The following PCSK6 variants were observed in gnomAD, a reference collection of about 807,000 sequenced individuals.
PCSK6 encodes the protein paired basic amino acid cleaving enzyme 4.
Under a neutral mutation model 123.3 loss-of-function variants are expected in PCSK6, and 85 were observed. The observed-to-expected ratio is 0.69, with a 90% CI of 0.58 to 0.83. The LOEUF is 0.83. PCSK6 is among the 40% of genes least tolerant of loss of function. The pLI is 0.00. For missense variants in PCSK6, 1,191 were observed against 1,282.3 expected (o/e 0.93, Z 1.09); for synonymous variants, 508 against 516.0 (o/e 0.98, Z 0.21).
intron 6 of PCSK6, among the ~76,000 whole-genome samples, chr15:101,405,633 C>T (rs193142221): frequency 7.2e-5 from 11 of 152,100 alleles, no homozygotes; most frequent in African/African-American, 2.7e-4. Context: ...ATTTTAAATG[C>T]CCTGGGAGAA....
chr15:101,329,513 C>T (rs1347325590), intron 15 of PCSK6, among the ~76,000 whole-genome samples: 1 of 152,240 alleles, frequency 6.6e-6, no homozygotes, highest in Non-Finnish European at 1.5e-5. Context: ...GTGCCCTGAG[C>T]AAGCGACCTG....
At chr15:101,488,478 G>C (rs12437484) in intron 1 of PCSK6, among the ~76,000 whole-genome samples, 44,254 of 152,084 alleles carry the variant, frequency 0.29, 6,879 homozygotes, top group East Asian at 0.56. Context: ...GACAGAAGAG[G>C]GGACAGCCGA....
intron 10 of PCSK6, 194 bp downstream of exon 10, chr15:101,384,124 TGAGG>T: frequency 7.2e-7 from 1 of 1,379,730 alleles, no homozygotes; most frequent in Non-Finnish European, 9.4e-7. Flanking sequence ...TCTTGTGACC[TGAGG>T]GTTCTTCCGT....
At chr15:101,349,320 AG>A (rs1258776123) in intron 13 of PCSK6, among the ~76,000 whole-genome samples, 2 of 152,240 alleles carry the variant, frequency 1.3e-5, no homozygotes, top group Non-Finnish European at 2.9e-5. Flanking sequence ...AGAAGAAGAA[AG>A]GAAGAATAGA....
chr15:101,441,792 G>T (rs1465829474), intron 2 of PCSK6, among the ~76,000 whole-genome samples: 1 of 152,216 alleles, frequency 6.6e-6, no homozygotes, highest in Non-Finnish European at 1.5e-5. Flanking sequence ...CCGCGTGGTG[G>T]CAATTCAACA....
intron 1 of PCSK6, among the ~76,000 whole-genome samples, chr15:101,466,369 A>C (rs1381038854): frequency 6.6e-6 from 1 of 152,218 alleles, no homozygotes; most frequent in Non-Finnish European, 1.5e-5. Flanking sequence ...AGTGCTGATG[A>C]GGATGTGGTG....
chr15:101,485,283 T>C (rs918660887), intron 1 of PCSK6, among the ~76,000 whole-genome samples: 2 of 152,240 alleles, frequency 1.3e-5, no homozygotes, highest in Admixed American at 1.3e-4. Flanking sequence ...TTTTTCTACC[T>C]GGCGTGTATC....
intron 13 of PCSK6, among the ~76,000 whole-genome samples, chr15:101,365,384 A>G (rs955347787): frequency 6.6e-5 from 10 of 152,244 alleles, no homozygotes; most frequent in Middle Eastern, 3.2e-3. Context: ...AACGCTTATA[A>G]TTTTTTAAAA....
intron 12 of PCSK6, among the ~76,000 whole-genome samples, chr15:101,366,730 G>C (rs909898030): frequency 6.6e-6 from 1 of 152,186 alleles, no homozygotes. Flanking sequence ...TCCAGTGCCC[G>C]GATGCACGAA....
At chr15:101,384,729 C>T (rs965085780) in intron 9 of PCSK6, among the ~76,000 whole-genome samples, 2 of 152,192 alleles carry the variant, frequency 1.3e-5, no homozygotes, top group Non-Finnish European at 2.9e-5. Flanking sequence ...TCTGAAAATA[C>T]AAGACACTTA....
chr15:101,419,032 G>A (rs1348963241), intron 6 of PCSK6, among the ~76,000 whole-genome samples: 1 of 152,122 alleles, frequency 6.6e-6, no homozygotes, highest in Admixed American at 6.6e-5. Flanking sequence ...AAGTATTCCT[G>A]TATAAGTCAG....
At chr15:101,395,295 A>G (rs1171973413) in intron 7 of PCSK6, among the ~76,000 whole-genome samples, 1 of 152,246 alleles carries the variant, frequency 6.6e-6, no homozygotes, top group East Asian at 1.9e-4. Flanking sequence ...GTTACAATGC[A>G]GACTTGTGCC....
chr15:101,417,148 G>T (rs1007979081), intron 6 of PCSK6, among the ~76,000 whole-genome samples: 5 of 152,204 alleles, frequency 3.3e-5, no homozygotes, highest in African/African-American at 1.2e-4. Context: ...TATGAGATCT[G>T]ATGGGTTTAT....
rs373818409 is a variant in PCSK6, at chr15:101,314,845, C to T, written c.2570-1340G>A. Among the ~76,000 whole-genome samples, 293 of 152,282 alleles carry T rather than the reference C, an allele frequency of 1.9e-3. 4 individuals are homozygous for T. The highest frequency in any genetic ancestry group is 6.7e-3 in the African/African-American group (277 of 41,554). On this transcript the variant is annotated intron_variant, in intron 19 of 21. Transcript: ENST00000611716. ...CGGTGGAAGAGCTGTGCCCCGGGGG[C>T]GGGACTCTGTCTGGTTTATGTTGTT...
intron 17 of PCSK6, among the ~76,000 whole-genome samples, chr15:101,323,540 G>A (rs1479942905): frequency 1.3e-5 from 2 of 152,186 alleles, no homozygotes; most frequent in African/African-American, 4.8e-5. Context: ...AGACCAGCCT[G>A]ACCAACATGG....
chr15:101,313,837 C>A (rs989458967), intron 19 of PCSK6: 3 of 232,832 alleles, frequency 1.3e-5, no homozygotes, highest in Non-Finnish European at 2.5e-5. Context: ...AAATCCAGTG[C>A]CAAAGTCTTC....
At chr15:101,465,213 C>T (rs930407769) in intron 1 of PCSK6, among the ~76,000 whole-genome samples, 3 of 152,210 alleles carry the variant, frequency 2.0e-5, no homozygotes, top group African/African-American at 4.8e-5. Flanking sequence ...TCACACGTTC[C>T]CCAGACTCGC....
intron 6 of PCSK6, among the ~76,000 whole-genome samples, chr15:101,427,138 C>T (rs1043693743): frequency 2.0e-5 from 3 of 152,234 alleles, no homozygotes; most frequent in African/African-American, 7.2e-5. Context: ...ACTCCAAAGC[C>T]TCATCCTAGC....
rs779356594 is a variant in PCSK6 at position 101,331,726 on chromosome 15, C to T, written c.2039-37G>A. The T allele has an allele frequency of 9.0e-6, 14 of 1,549,220 alleles. No homozygotes were observed. In the Admixed American group the frequency reaches 2.4e-4, roughly 26 times the overall value. ...CAAATTGCCATGATTATTATGACTC[C>T]CAGGCAAGAGAGACACACAACCATC... On this transcript the variant is annotated intron_variant, in intron 14 of 21. Coordinates refer to ENST00000611716, the MANE Select transcript of PCSK6 (RefSeq NM_002570.5).
Sources: gnomAD v4.1 joint callset for allele counts (sites outside exome capture counted in the v4.1 genomes callset) on GRCh38, gnomAD v4.1.1 for gene constraint, MANE v1.5 for transcripts, NCBI Gene and HGNC (gene_info 2026-07-23, HGNC 2026-07-21) for gene names.